Variants in DTNB observed in about 807,000 individuals in gnomAD.
DTNB encodes dystrobrevin beta, also known as DTN-B.
Under a neutral mutation model 90.7 loss-of-function variants are expected in DTNB, and 63 were observed. That is an observed-to-expected ratio of 0.69 (90% CI 0.57 to 0.86). The LOEUF is 0.86. DTNB is among the 40% of genes least tolerant of loss of function. The pLI is 0.00. For synonymous variants in DTNB, 277 were observed against 286.7 expected (o/e 0.97, Z 0.34); for missense variants, 744 against 807.1 (o/e 0.92, Z 0.95).
At chr2:25,672,900 C>T (rs929087468) in intron 1 of DTNB, 1 of 152,264 alleles carries the variant, frequency 6.6e-6, no homozygotes, top group East Asian at 1.9e-4. Flanking sequence ...ACCTCCTGGA[C>T]AGGTTCGCTA....
chr2:25,535,002 C>T (rs1262576569), intron 8 of DTNB, among the ~76,000 whole-genome samples: 3 of 140,310 alleles, frequency 2.1e-5, no homozygotes, highest in African/African-American at 8.1e-5. Flanking sequence ...CGAAGAGCGG[C>T]CGGGCAGAGG....
intron 1 of DTNB, among the ~76,000 whole-genome samples, chr2:25,668,719 AT>A (rs1053689113): frequency 2.6e-5 from 4 of 152,232 alleles, no homozygotes; most frequent in Non-Finnish European, 5.9e-5. Flanking sequence ...GTGTTAATCT[AT>A]TTTTATTCCA....
At chr2:25,644,918 A>T (rs1011459804) in intron 2 of DTNB, among the ~76,000 whole-genome samples, 2 of 152,132 alleles carry the variant, frequency 1.3e-5, no homozygotes, top group Non-Finnish European at 2.9e-5. Flanking sequence ...TACAAATACA[A>T]CCAAGACCAC....
chr2:25,522,735 C>T (rs2076374727), intron 9 of DTNB, among the ~76,000 whole-genome samples: 1 of 143,636 alleles, frequency 7.0e-6, no homozygotes, highest in South Asian at 2.2e-4. Context: ...GAGTCTTGCT[C>T]TGTCGCCCAG....
intron 6 of DTNB, among the ~76,000 whole-genome samples, chr2:25,586,907 A>C (rs2062549113): frequency 6.6e-6 from 1 of 152,256 alleles, no homozygotes; most frequent in Non-Finnish European, 1.5e-5. Context: ...ACACTGAGAT[A>C]ACATTTCTCA....
chr2:25,628,098 G>A, intron 4 of DTNB, 73 bp downstream of exon 4: 4 of 1,506,644 alleles, frequency 2.7e-6, no homozygotes, highest in African/African-American at 1.4e-5. Flanking sequence ...TAGCACGGCA[G>A]TATGGAAGAA....
chr2:25,590,513 G>A (rs2063357111), intron 6 of DTNB, among the ~76,000 whole-genome samples: 1 of 152,076 alleles, frequency 6.6e-6, no homozygotes, highest in African/African-American at 2.4e-5. Flanking sequence ...CTCTGCAGCT[G>A]ATCGTCCTGA....
chr2:25,574,512 C>T (rs1572802429), intron 8 of DTNB, among the ~76,000 whole-genome samples: 1 of 152,190 alleles, frequency 6.6e-6, no homozygotes, highest in African/African-American at 2.4e-5. Flanking sequence ...TCATATGTCA[C>T]ATCTACAATG....
At chr2:25,381,208 C>CGTGTGT (rs141187034) in intron 19 of DTNB, among the ~76,000 whole-genome samples, 12 of 151,998 alleles carry the variant, frequency 7.9e-5, no homozygotes, top group Admixed American at 7.9e-4. Flanking sequence ...TGTGCGTGTG[C>CGTGTGT]GTGTGTGTGC....
chr2:25,655,024 G>T (rs984803965), intron 1 of DTNB, among the ~76,000 whole-genome samples: 1 of 152,226 alleles, frequency 6.6e-6, no homozygotes, highest in African/African-American at 2.4e-5. Context: ...TCTGTTGACT[G>T]AACAGGTGCA....
At chr2:25,559,905 T>C (rs1189866755) in intron 8 of DTNB, among the ~76,000 whole-genome samples, 6 of 152,198 alleles carry the variant, frequency 3.9e-5, no homozygotes, top group Non-Finnish European at 2.9e-5. Context: ...GAACGCCAAC[T>C]GCAGCTAGAA....
At chr2:25,564,485 G>C (rs954044581) in intron 8 of DTNB, among the ~76,000 whole-genome samples, 3 of 151,512 alleles carry the variant, frequency 2.0e-5, no homozygotes, top group South Asian at 4.2e-4. Context: ...GGTTCAAGCA[G>C]TTCTCCTGCC....
At chr2:25,666,426 G>C (rs907881849) in intron 1 of DTNB, among the ~76,000 whole-genome samples, 1 of 152,146 alleles carries the variant, frequency 6.6e-6, no homozygotes, top group African/African-American at 2.4e-5. Flanking sequence ...ATATCTAACA[G>C]TGAAACACTG....
chr2:25,644,609 T>A (rs1214132112), intron 2 of DTNB, among the ~76,000 whole-genome samples: 1 of 151,980 alleles, frequency 6.6e-6, no homozygotes, highest in Admixed American at 6.6e-5. Flanking sequence ...AAAAATTAGC[T>A]GGGCATGGTG....
Position 25,430,501 on chromosome 2 carries a change from C to T in DTNB, c.1457+2385G>A, listed in dbSNP as rs752266630. On this transcript the variant is annotated intron_variant, in intron 14 of 20. Coordinates refer to ENST00000406818, the MANE Select transcript of DTNB (RefSeq NM_021907.5). ...TACAGCTACATCCAACCACAGAGAA[C>T]GATCCTAAAGGCTAATATGGTGGGG... Among the ~76,000 whole-genome samples the T allele has an allele frequency of 1.6e-4, 24 of 152,112 alleles. 1 individual carries two copies. The highest frequency in any genetic ancestry group is 8.5e-4 in the Admixed American group (13 of 15,286).
At chr2:25,652,935 G>C (rs1024532178) in intron 1 of DTNB, 13 of 288,682 alleles carry the variant, frequency 4.5e-5, no homozygotes, top group Non-Finnish European at 5.7e-5. Context: ...TTCTAACTTT[G>C]ATTATTTTCT....
chr2:25,496,655 C>G (rs1477858995), intron 9 of DTNB, among the ~76,000 whole-genome samples: 1 of 151,988 alleles, frequency 6.6e-6, no homozygotes, highest in Non-Finnish European at 1.5e-5. Flanking sequence ...ACGAGCGTGG[C>G]CAACATGTAA....
intron 4 of DTNB, among the ~76,000 whole-genome samples, chr2:25,616,856 C>G (rs919122449): frequency 2.8e-4 from 40 of 143,692 alleles, no homozygotes; most frequent in African/African-American, 1.0e-3. Flanking sequence ...GGCGTGAACC[C>G]AGGAGGCGGA....
chr2:25,459,397 G>A (rs1180194022), intron 10 of DTNB, among the ~76,000 whole-genome samples: 1 of 151,360 alleles, frequency 6.6e-6, no homozygotes, highest in Non-Finnish European at 1.5e-5. Context: ...TTTTCATTTC[G>A]GACGTTATCC....
Sources: allele counts gnomAD v4.1 joint callset (sites outside exome capture counted in the v4.1 genomes callset), GRCh38; gene constraint gnomAD v4.1.1; transcripts MANE v1.5; gene names NCBI Gene and HGNC (gene_info 2026-07-23, HGNC 2026-07-21).